Variants in FAM135B observed in about 807,000 individuals in gnomAD.
FAM135B encodes protein FAM135B.
Under a neutral mutation model 127.7 loss-of-function variants are expected in FAM135B, and 43 were observed. That is an observed-to-expected ratio of 0.34 (90% CI 0.26 to 0.43). The LOEUF is 0.43. FAM135B is among the 20% of genes least tolerant of loss of function. The pLI, the probability that FAM135B is intolerant of heterozygous loss-of-function variation, is 1.00. For synonymous variants in FAM135B, 670 were observed against 665.1 expected (o/e 1.01, Z -0.11); for missense variants, 1,558 against 1,725.6 (o/e 0.90, Z 1.72).
At chr8:138,449,574 C>G (rs142490875) in intron 1 of FAM135B, among the ~76,000 whole-genome samples, 2 of 152,172 alleles carry the variant, frequency 1.3e-5, no homozygotes, top group Admixed American at 1.3e-4. Context: ...CCAAGACCAA[C>G]TTCAGGATTC....
chr8:138,306,727 T>G (rs1156381424), intron 3 of FAM135B, among the ~76,000 whole-genome samples: 5 of 151,932 alleles, frequency 3.3e-5, no homozygotes, highest in Admixed American at 2.6e-4. Context: ...GGACTACAGG[T>G]GTGCACCACC....
intron 14 of FAM135B, among the ~76,000 whole-genome samples, chr8:138,147,280 GAA>G (rs67669346): frequency 1.2e-4 from 17 of 144,016 alleles, no homozygotes; most frequent in East Asian, 6.0e-4. Flanking sequence ...CCTGCCTTAG[GAA>G]AAAAAAAAAA....
At chr8:138,303,969 C>T (rs59680167) in intron 3 of FAM135B, among the ~76,000 whole-genome samples, 7,853 of 152,304 alleles carry the variant, frequency 0.052, 336 homozygotes, top group East Asian at 0.19. Flanking sequence ...TTCCTAATTG[C>T]TATACTATTT....
chr8:138,226,865 T>G (rs1425287568), intron 7 of FAM135B, among the ~76,000 whole-genome samples: 1 of 151,028 alleles, frequency 6.6e-6, no homozygotes, highest in African/African-American at 2.4e-5. Flanking sequence ...CCGAGCTAAT[T>G]TTTATATTTT....
chr8:138,167,637 A>T (rs755920299), intron 12 of FAM135B, among the ~76,000 whole-genome samples: 34 of 152,198 alleles, frequency 2.2e-4, no homozygotes, highest in Non-Finnish European at 8.8e-5. Flanking sequence ...TGCAGGTGAA[A>T]ACGCTGAAGC....
At chr8:138,291,054 C>T (rs938922632) in intron 3 of FAM135B, among the ~76,000 whole-genome samples, 3 of 152,220 alleles carry the variant, frequency 2.0e-5, no homozygotes, top group Middle Eastern at 3.4e-3. Context: ...CATACCCTGG[C>T]GTATGTTCTT....
At chr8:138,348,863 C>T (rs558321194) in intron 2 of FAM135B, among the ~76,000 whole-genome samples, 5 of 152,324 alleles carry the variant, frequency 3.3e-5, no homozygotes, top group Admixed American at 3.3e-4. Context: ...CATAATTGGC[C>T]AGGCTTAGAG....
chr8:138,454,989 A>T (rs1244046299), intron 1 of FAM135B, among the ~76,000 whole-genome samples: 1 of 152,262 alleles, frequency 6.6e-6, no homozygotes, highest in Admixed American at 6.5e-5. Flanking sequence ...AAGATAACAG[A>T]TGAGCACTGA....
chr8:138,302,728 C>T (rs1286118739), intron 3 of FAM135B, among the ~76,000 whole-genome samples: 1 of 152,200 alleles, frequency 6.6e-6, no homozygotes, highest in Non-Finnish European at 1.5e-5. Flanking sequence ...AAGCCCACAT[C>T]GCTCACGTTG....
At chr8:138,178,266 G>T (rs959404887) in intron 10 of FAM135B, among the ~76,000 whole-genome samples, 1 of 147,500 alleles carries the variant, frequency 6.8e-6, no homozygotes, top group African/African-American at 2.5e-5. Flanking sequence ...AAAAAAAAAA[G>T]AAAAGCACTT....
Position 138,240,022 on chromosome 8 carries a change from T to G in FAM135B, c.669+2920A>C, listed in dbSNP as rs575166773. On this transcript the variant is annotated intron_variant, in intron 7 of 19. Transcript: ENST00000395297. The stretch of plus-strand genomic sequence containing the variant: ...CATGGGGTGGGGGAGGGGGGAGGGA[T>G]AGCATTAGGAGATATACCTAGTGTA... 1.6e-3 allele frequency among the ~76,000 whole-genome samples: 230 copies of G among 141,210 alleles called. 2 individuals are homozygous for G. Among genetic ancestry groups the G allele is most frequent in the African/African-American group, 5.5e-3 (217 of 39,482 alleles). The allele number at this position is 141,210 out of a possible 152,430, so 92.6% of individuals were successfully genotyped here.
chr8:138,451,294 T>C (rs1262811088), intron 1 of FAM135B, among the ~76,000 whole-genome samples: 1 of 152,238 alleles, frequency 6.6e-6, no homozygotes, highest in Non-Finnish European at 1.5e-5. Flanking sequence ...TCTTGTTTGC[T>C]ACCAAGAACC....
chr8:138,421,178 T>G (rs1395096771), intron 1 of FAM135B, among the ~76,000 whole-genome samples: 2 of 152,040 alleles, frequency 1.3e-5, no homozygotes, highest in African/African-American at 4.8e-5. Flanking sequence ...CCAGGCATGG[T>G]GGCAGGCAAC....
At chr8:138,429,882 A>G (rs1242921801) in intron 1 of FAM135B, among the ~76,000 whole-genome samples, 2 of 152,194 alleles carry the variant, frequency 1.3e-5, no homozygotes, top group Non-Finnish European at 2.9e-5. Context: ...GGAGAAAGAA[A>G]CTGACTGAGG....
At chr8:138,415,615 C>A (rs982746366) in intron 1 of FAM135B, among the ~76,000 whole-genome samples, 2 of 152,158 alleles carry the variant, frequency 1.3e-5, no homozygotes, top group Non-Finnish European at 2.9e-5. Flanking sequence ...CTTTCCATTT[C>A]CCATGAAGCT....
At chr8:138,439,807 G>A (rs778664046) in intron 1 of FAM135B, 5 of 152,214 alleles carry the variant, frequency 3.3e-5, no homozygotes, top group Non-Finnish European at 5.9e-5. Flanking sequence ...GTTGAAATGT[G>A]AGCAGAAAAG....
intron 3 of FAM135B, among the ~76,000 whole-genome samples, chr8:138,273,320 C>T (rs1275570601): frequency 6.6e-6 from 1 of 152,190 alleles, no homozygotes; most frequent in African/African-American, 2.4e-5. Context: ...ATTCTCCTGC[C>T]TCAGCCTCCT....
At chr8:138,400,422 CT>C (rs1833094395) in intron 1 of FAM135B, among the ~76,000 whole-genome samples, 1 of 152,162 alleles carries the variant, frequency 6.6e-6, no homozygotes, top group Non-Finnish European at 1.5e-5. Context: ...GACTTGAAGC[CT>C]GGTCATTCCC....
At chr8:138,286,824 G>A (rs142067319) in intron 3 of FAM135B, among the ~76,000 whole-genome samples, 1 of 152,314 alleles carries the variant, frequency 6.6e-6, no homozygotes, top group African/African-American at 2.4e-5. Context: ...AGGGACCCCC[G>A]AGGTTCCATG....
Sources: gnomAD v4.1 joint callset for allele counts (sites outside exome capture counted in the v4.1 genomes callset) on GRCh38, gnomAD v4.1.1 for gene constraint, MANE v1.5 for transcripts, NCBI Gene and HGNC (gene_info 2026-07-23, HGNC 2026-07-21) for gene names.